The following TCF3 variants were observed in gnomAD, a reference collection of about 807,000 sequenced individuals.
The protein encoded by TCF3 is transcription factor 3, also known as transcription factor E2-alpha.
A neutral mutation model predicts 72.3 loss-of-function variants in TCF3; 54 were observed. The ratio of observed to expected loss-of-function variants is 0.75; its 90% confidence interval spans 0.60 to 0.94. TCF3 has a LOEUF of 0.94. TCF3 is among the 40% of genes least tolerant of loss of function. The pLI, the probability that TCF3 is intolerant of heterozygous loss-of-function variation, is 0.00. For missense variants in TCF3, 1,078 were observed against 934.4 expected (o/e 1.15, Z -2.00); for synonymous variants, 525 against 412.6 (o/e 1.27, Z -3.30).
rs113102806 is a variant in TCF3 at position 1,636,099 on chromosome 19, G to A, written c.146-3694C>T. 1.3e-5 allele frequency among the ~76,000 whole-genome samples: 2 copies of A among 152,368 alleles called. 1 individual carries two copies. The highest frequency in any genetic ancestry group is 4.8e-5 in the African/African-American group (2 of 41,588). ...AGCCCCTCTGGGGGTCATGACGGGTGAGATCAGACAGAGGTTTGAATCCGG... is the reference window on the plus strand; with the variant it reads ...AGCCCCTCTGGGGGTCATGACGGGTAAGATCAGACAGAGGTTTGAATCCGG... On this transcript the variant is annotated intron_variant, in intron 3 of 18. Transcript: ENST00000262965.
chr19:1,612,362 G>A lies in TCF3; in HGVS notation c.1823-513C>T, dbSNP rs201939465. 2.4e-5 allele frequency: 38 copies of A among 1,613,818 alleles called. No homozygotes were observed. Among genetic ancestry groups the A allele is most frequent in the African/African-American group, 4.0e-5 (3 of 74,930 alleles). On this transcript the variant is annotated intron_variant, in intron 18 of 18. Coordinates refer to ENST00000262965, the MANE Select transcript of TCF3 (RefSeq NM_003200.5). ...ATCCCGCACGCGCACCCGCTCCCGC[G>A]CGTTATTGGCCATGCGCCTCTCCCG...
At chr19:1,652,087 G>C (rs906126271) in intron 1 of TCF3, among the ~76,000 whole-genome samples, 1 of 149,834 alleles carries the variant, frequency 6.7e-6, no homozygotes, top group Non-Finnish European at 1.5e-5. Context: ...ACGCGGGCCT[G>C]GCGAGCTCCG....
chr19:1,626,836 C>A lies in TCF3; in HGVS notation c.366+523G>T, dbSNP rs551921849. On this transcript the variant is annotated intron_variant, in intron 6 of 18. Transcript: ENST00000262965. ...AGCACACAGACGGCCCCACCTGTGA[C>A]AAGGCCGAGCCCCACCGAGAGCTAG... Among the ~76,000 whole-genome samples the A allele has an allele frequency of 2.0e-5, 3 of 150,674 alleles. No homozygotes were observed. The South Asian group carries it at 6.4e-4, about 32-fold the overall frequency.
intron 2 of TCF3, among the ~76,000 whole-genome samples, chr19:1,648,440 G>T (rs1453274321): frequency 1.3e-5 from 2 of 152,150 alleles, no homozygotes; most frequent in East Asian, 3.9e-4. Flanking sequence ...ATGGGGAGAC[G>T]TGCTGAGTGG....
chr19:1,621,294 A>T, intron 11 of TCF3, 103 bp from the exon 12 acceptor site: 1 of 1,333,778 alleles, frequency 7.5e-7, no homozygotes, highest in Non-Finnish European at 1.0e-6. Flanking sequence ...CTGCTGCGCC[A>T]GGGAGAGCAG....
chr19:1,636,763 G>A (rs1379957572), intron 3 of TCF3, among the ~76,000 whole-genome samples: 1 of 152,154 alleles, frequency 6.6e-6, no homozygotes, highest in African/African-American at 2.4e-5. Context: ...GAGTGGGGGA[G>A]AAAATGCTTC....
chr19:1,631,374 T>C (rs1484805060), intron 5 of TCF3, among the ~76,000 whole-genome samples: 2 of 151,742 alleles, frequency 1.3e-5, no homozygotes, highest in Non-Finnish European at 2.9e-5. Flanking sequence ...GTTCAAGCAA[T>C]TCTCCTGCCT....
At chr19:1,645,599 C>T (rs1001635948) in intron 3 of TCF3, among the ~76,000 whole-genome samples, 8 of 152,244 alleles carry the variant, frequency 5.3e-5, no homozygotes, top group Non-Finnish European at 8.8e-5. Context: ...TGCCCCGACA[C>T]GCCCTCTGCG....
chr19:1,619,268 A>C, intron 15 of TCF3, 34 bp from the exon 16 acceptor site: 2 of 1,573,584 alleles, frequency 1.3e-6, no homozygotes, highest in South Asian at 2.3e-5. Context: ...CATCAGGGGG[A>C]GCCGGGTCCC....
rs1057477818 is a variant in TCF3, at chr19:1,652,351, G to A, written c.-91C>T. The A allele has an allele frequency of 3.5e-5, 5 of 141,164 alleles. No homozygotes were observed. Among genetic ancestry groups the A allele is most frequent in the African/African-American group, 7.7e-5 (3 of 39,042 alleles). The allele number at this position is 141,164 out of a possible 1,614,324, so 8.7% of individuals were successfully genotyped here. On this transcript the variant is annotated 5_prime_UTR_variant, in exon 1 of 19. Transcript: ENST00000262965. ...GCGTGGGGGGGGGCGGCGGCATGAA[G>A]CGGGGGGGCCCCCCCCCGGACAAAG...
At chr19:1,640,831 G>C (rs938718394) in intron 3 of TCF3, among the ~76,000 whole-genome samples, 1 of 150,210 alleles carries the variant, frequency 6.7e-6, no homozygotes, top group African/African-American at 2.5e-5. Context: ...GATGTAAATT[G>C]TTGTATTACT....
At chr19:1,619,592 C>T in intron 14 of TCF3, 118 bp from the exon 15 acceptor site, 1 of 1,415,252 alleles carries the variant, frequency 7.1e-7, no homozygotes, top group Non-Finnish European at 9.4e-7. Flanking sequence ...CCCCAGGAAG[C>T]TGCATATGCC....
intron 2 of TCF3, among the ~76,000 whole-genome samples, chr19:1,647,584 C>T (rs987515539): frequency 1.3e-5 from 2 of 152,304 alleles, no homozygotes; most frequent in African/African-American, 4.8e-5. Context: ...GCGCTGAAGG[C>T]AGTGTTCGCC....
intron 16 of TCF3, among the ~76,000 whole-genome samples, chr19:1,617,250 A>T (rs1487271726): frequency 6.6e-6 from 1 of 152,208 alleles, no homozygotes. Flanking sequence ...TTGGCAGGAA[A>T]GCGTGATGTT....
At chr19:1,620,634 C>T (rs971955222) in intron 13 of TCF3, among the ~76,000 whole-genome samples, 2 of 152,202 alleles carry the variant, frequency 1.3e-5, no homozygotes, top group Non-Finnish European at 2.9e-5. Flanking sequence ...TGTGACCTAA[C>T]CTGGACGCCA....
rs1397065364 is a variant in TCF3, at chr19:1,624,007, G to A, written c.500-7C>T. ...ACCTTCTTGGGCTGCGTGTCTGTTA[G>A]AAGCAAAAGGGGTGAGAACCGGCCA... is the stretch of plus-strand genomic sequence containing the variant. On this transcript the variant is annotated splice_region_variant and splice_polypyrimidine_tract_variant and intron_variant, in intron 7 of 18. Coordinates refer to ENST00000262965, the MANE Select transcript of TCF3 (RefSeq NM_003200.5). 6.2e-7 allele frequency: 1 copy of A among 1,613,430 alleles called. No homozygotes were observed. The highest frequency in any genetic ancestry group is 1.7e-5 in the Admixed American group (1 of 60,008).
chr19:1,617,472 C>T (rs761627793), intron 16 of TCF3, among the ~76,000 whole-genome samples: 2 of 152,240 alleles, frequency 1.3e-5, no homozygotes, highest in African/African-American at 2.4e-5. Flanking sequence ...CAAATGAATG[C>T]GGCCACTCTG....
chr19:1,621,718 C>T (rs995162566), intron 11 of TCF3, 120 bp downstream of exon 11: 17 of 1,321,770 alleles, frequency 1.3e-5, no homozygotes, highest in East Asian at 2.6e-5. Flanking sequence ...GACAACAACC[C>T]GCTCTCAGGG....
intron 16 of TCF3, 104 bp downstream of exon 16, chr19:1,619,007 C>A: frequency 1.9e-6 from 3 of 1,544,902 alleles, no homozygotes; most frequent in South Asian, 1.2e-5. Flanking sequence ...GGTGCCCCCA[C>A]GGTGACACCT....
Sources: allele counts gnomAD v4.1 joint callset (sites outside exome capture counted in the v4.1 genomes callset), GRCh38; gene constraint gnomAD v4.1.1; transcripts MANE v1.5; gene names NCBI Gene and HGNC (gene_info 2026-07-23, HGNC 2026-07-21).